ZCCHC14: variants seen among roughly 807,000 people sequenced by gnomAD.
ZCCHC14 encodes the protein zinc finger CCHC-type containing 14, also known as zinc finger CCHC domain-containing protein 14.
In ZCCHC14, 16 loss-of-function variants were observed where a neutral mutation model predicts 85.0. That is an observed-to-expected ratio of 0.19 (90% CI 0.13 to 0.29). The LOEUF (loss-of-function observed/expected upper bound fraction) is 0.29. Ranked by LOEUF, ZCCHC14 falls within the 10% of genes least tolerant of loss-of-function variation. The probability of loss-of-function intolerance (pLI) is 1.00; values close to 1 mark genes in which losing one functional copy is unlikely to be tolerated. For synonymous variants in ZCCHC14, 775 were observed against 630.7 expected, an observed-to-expected ratio of 1.23 and a Z score of -3.43; for missense variants, 1,303 against 1,443.5, an observed-to-expected ratio of 0.90 and a Z score of 1.58.
chr16:87,485,267 T>C (rs897359474), intron 1 of ZCCHC14, among the ~76,000 whole-genome samples: 2 of 152,230 alleles, frequency 1.3e-5, no homozygotes, highest in Non-Finnish European at 2.9e-5. Context: ...TGCTTCTGTC[T>C]TCTCACTTTA....
intron 12 of ZCCHC14, among the ~76,000 whole-genome samples, chr16:87,411,067 G>A (rs571690764): frequency 2.6e-5 from 4 of 152,384 alleles, no homozygotes; most frequent in African/African-American, 7.2e-5. Context: ...GGAAGATGCA[G>A]CATGGCTGAG....
At chr16:87,422,773 G>C (rs1909169842) in intron 4 of ZCCHC14, among the ~76,000 whole-genome samples, 1 of 151,814 alleles carries the variant, frequency 6.6e-6, no homozygotes, top group South Asian at 2.1e-4. Flanking sequence ...TGAGACAAAA[G>C]CCCAATGAGA....
In ZCCHC14 at chr16:87,411,487, T is replaced by C. The variant is rs752865801; in HGVS notation, c.3205+29A>G. The C allele has an allele frequency of 3.4e-5, 55 of 1,610,438 alleles. No individual in the cohort carries two copies. The East Asian group carries it at 9.8e-4, about 29-fold the overall frequency. The stretch of plus-strand genomic sequence containing the variant: ...TGTGTGCACTGGTCCTGCGGGAGCC[T>C]GGTGGGCGCGGCCATGGCGCGCGCT... On this transcript the variant is annotated intron_variant, in intron 12 of 12. Transcript: ENST00000671377.
rs1023602567 is a variant in ZCCHC14, at chr16:87,413,304, A to C, written c.1604-109T>G. 9 of 1,405,360 alleles carry C rather than the reference A, an allele frequency of 6.4e-6. No individual in the cohort carries two copies. In the African/African-American group the frequency reaches 1.0e-4, roughly 16 times the overall value. 87.1% of individuals were successfully genotyped at this position (1,405,360 alleles called of 1,614,324 possible). A position where few individuals can be genotyped will look rare whatever the true frequency, so the allele number is the denominator to read the frequency against. On this transcript the variant is annotated intron_variant, in intron 10 of 12. Transcript: ENST00000671377. ...GCAGGTGCTCCTTCCAGGGAAACGCAGGGCTCTGAGAGTCAGAAAACGAAC... is the reference window on the plus strand; with the variant it reads ...GCAGGTGCTCCTTCCAGGGAAACGCCGGGCTCTGAGAGTCAGAAAACGAAC...
chr16:87,412,556 G>A lies in ZCCHC14; in HGVS notation c.2165C>T (p.Ser722Leu), dbSNP rs758401288. 1 of 1,614,028 alleles carries A rather than the reference G, an allele frequency of 6.2e-7. No individual in the cohort carries two copies. The highest frequency in any genetic ancestry group is 1.3e-5 in the African/African-American group (1 of 74,934). Residue 722 changes from serine (S) to leucine (L), a missense_variant, in exon 12 of 13, where the codon TCA becomes TTA. Coordinates refer to ENST00000671377, the MANE Select transcript of ZCCHC14 (RefSeq NM_015144.3). ...CCGGGGACCAAAGGAGACTGTGGGTGACATGGAGCTGCTCTCCGAAAGCCC... is the reference window on the plus strand; with the variant it reads ...CCGGGGACCAAAGGAGACTGTGGGTAACATGGAGCTGCTCTCCGAAAGCCC... ...LSGLSESSSM[S>L]PTVSFGPRTK...
intron 2 of ZCCHC14, among the ~76,000 whole-genome samples, chr16:87,450,539 T>C (rs550081651): frequency 4.6e-5 from 7 of 152,228 alleles, no homozygotes; most frequent in East Asian, 1.9e-4. Context: ...TAGTGAGTAA[T>C]TGGGAAAACA....
intron 3 of ZCCHC14, among the ~76,000 whole-genome samples, chr16:87,431,018 T>C (rs1278575835): frequency 6.6e-6 from 1 of 151,992 alleles, no homozygotes; most frequent in Non-Finnish European, 1.5e-5. Context: ...CATGTGCCTG[T>C]GGTCCCAGCT....
At chr16:87,419,707 A>T (rs1908989087) in intron 6 of ZCCHC14, 76 bp downstream of exon 6, 1 of 1,295,956 alleles carries the variant, frequency 7.7e-7, no homozygotes, top group African/African-American at 1.5e-5. Context: ...AAGTGCTGGG[A>T]TTACAAGCAT....
At chr16:87,454,944 C>T (rs1434306256) in intron 2 of ZCCHC14, among the ~76,000 whole-genome samples, 1 of 152,186 alleles carries the variant, frequency 6.6e-6, no homozygotes, top group East Asian at 1.9e-4. Context: ...TGCTCTGCCA[C>T]GGCTGACGAC....
In ZCCHC14 at chr16:87,420,744, T is replaced by C; in HGVS notation, c.841-28A>G. 1 of 1,587,192 alleles carries C rather than the reference T, an allele frequency of 6.3e-7. No homozygotes were observed. The highest frequency in any genetic ancestry group is 2.3e-5 in the East Asian group (1 of 44,362). On this transcript the variant is annotated intron_variant, in intron 4 of 12. Coordinates refer to ENST00000671377, the MANE Select transcript of ZCCHC14 (RefSeq NM_015144.3). The surrounding 1 kb of genome is among the most constrained non-coding windows in gnomAD (Gnocchi z 5.0). ...GGAAGAGAGGACAAGGTAGAGGAGG[T>C]GTGTCCAGACCCATCCAACACCAGC...
At chr16:87,468,523 G>A (rs752913615) in intron 1 of ZCCHC14, among the ~76,000 whole-genome samples, 8 of 151,324 alleles carry the variant, frequency 5.3e-5, no homozygotes, top group East Asian at 1.9e-4. Context: ...TACAGGAGGC[G>A]CATGCCACCA....
chr16:87,454,027 C>A (rs1162226322), intron 2 of ZCCHC14, among the ~76,000 whole-genome samples: 2 of 152,116 alleles, frequency 1.3e-5, no homozygotes, highest in Non-Finnish European at 2.9e-5. Flanking sequence ...ATGAAAACGT[C>A]CATTAGCTTG....
At chr16:87,423,672 T>A in intron 4 of ZCCHC14, 138 bp downstream of exon 4, 1 of 899,816 alleles carries the variant, frequency 1.1e-6, no homozygotes, top group Non-Finnish European at 1.7e-6. Context: ...GACTCCACTG[T>A]GGCTGGGCAG....
intron 3 of ZCCHC14, among the ~76,000 whole-genome samples, chr16:87,427,644 TTTTTC>T (rs745338625): frequency 1.2e-4 from 18 of 152,144 alleles, no homozygotes; most frequent in Non-Finnish European, 2.5e-4. Context: ...TTTATCATTT[TTTTTC>T]TTTTTTGAGA....
In ZCCHC14 at chr16:87,408,029, G is replaced by A. The variant is rs533732215; in HGVS notation, c.*2251C>T. On this transcript the variant is annotated 3_prime_UTR_variant, in exon 13 of 13. Transcript: ENST00000671377. ...TCAAGACGACTGGCAGCTCCGCAGA[G>A]GCCTTCGCTGCTGGGAACACAGCCG... 6.5e-6 allele frequency: 1 copy of A among 152,768 alleles called. No homozygotes were observed. The highest frequency in any genetic ancestry group is 2.1e-4 in the South Asian group (1 of 4,824). 9.5% of individuals were successfully genotyped at this position (152,768 alleles called of 1,614,324 possible).
intron 7 of ZCCHC14, among the ~76,000 whole-genome samples, chr16:87,418,331 G>A (rs776916508): frequency 1.3e-5 from 2 of 152,190 alleles, no homozygotes; most frequent in African/African-American, 2.4e-5. Flanking sequence ...CTGACTGGGC[G>A]CTTACCCTAC....
intron 2 of ZCCHC14, among the ~76,000 whole-genome samples, chr16:87,453,897 T>G (rs1910829059): frequency 6.6e-6 from 1 of 152,044 alleles, no homozygotes; most frequent in South Asian, 2.1e-4. Context: ...TATAATGACA[T>G]TCAAAGATGT....
chr16:87,492,817 GGGAGGGACGCGCGGC>G lies in ZCCHC14; in HGVS notation c.-594_-580del, dbSNP rs1912837092. On this transcript the variant is annotated 5_prime_UTR_variant, in exon 1 of 13. Transcript: ENST00000671377. The surrounding 1 kb of genome is among the most constrained non-coding windows in gnomAD (Gnocchi z 6.7). ...GCGGCCGCGAAACGGACGCTGGAGG[GGGAGGGACGCGCGGC>G]GGGAGGCGCGGAGGGATCCGGCCGG... is the stretch of plus-strand genomic sequence containing the variant. 6.8e-6 allele frequency among the ~76,000 whole-genome samples: 1 copy of G among 147,680 alleles called. No individual in the cohort carries two copies. Among genetic ancestry groups the G allele is most frequent in the Admixed American group, 6.7e-5 (1 of 14,888 alleles).
At chr16:87,458,746 C>T (rs747092405) in intron 2 of ZCCHC14, among the ~76,000 whole-genome samples, 1 of 152,120 alleles carries the variant, frequency 6.6e-6, no homozygotes, top group Non-Finnish European at 1.5e-5. Context: ...TGAGCGAGTG[C>T]GGCTCTGGGC....
Sources: allele counts gnomAD v4.1 joint callset (sites outside exome capture counted in the v4.1 genomes callset), GRCh38; gene constraint gnomAD v4.1.1; non-coding constraint Gnocchi (gnomAD v3.1); transcripts MANE v1.5; gene names NCBI Gene and HGNC (gene_info 2026-07-23, HGNC 2026-07-21).